SMURF2: variants seen among roughly 807,000 people sequenced by gnomAD.
SMURF2 encodes the protein SMAD specific E3 ubiquitin protein ligase 2.
Under a neutral mutation model 109.6 loss-of-function variants are expected in SMURF2, and 48 were observed. The ratio of observed to expected loss-of-function variants is 0.44; its 90% confidence interval spans 0.35 to 0.56. The LOEUF (loss-of-function observed/expected upper bound fraction) is 0.56. Ranked by LOEUF, SMURF2 falls within the 20% of genes least tolerant of loss-of-function variation. The probability of loss-of-function intolerance (pLI) is 0.01; values close to 1 mark genes in which losing one functional copy is unlikely to be tolerated. For missense variants in SMURF2, 575 were observed against 909.0 expected, an observed-to-expected ratio of 0.63 and a Z score of 4.72; for synonymous variants, 288 against 317.1, an observed-to-expected ratio of 0.91 and a Z score of 0.97.
chr17:64,606,519 A>G, intron 2 of SMURF2, 83 bp downstream of exon 2: 2 of 974,720 alleles, frequency 2.1e-6, no homozygotes, highest in Non-Finnish European at 3.1e-6. Context: ...CTGAATAGAG[A>G]AACCCCTAAA....
chr17:64,588,552 T>C (rs1313091086), intron 5 of SMURF2, among the ~76,000 whole-genome samples: 1 of 152,100 alleles, frequency 6.6e-6, no homozygotes, highest in Non-Finnish European at 1.5e-5. Flanking sequence ...TAAAGACATA[T>C]ACATTTTATA....
intron 6 of SMURF2, among the ~76,000 whole-genome samples, chr17:64,584,367 T>C (rs1969621298): frequency 6.9e-6 from 1 of 145,634 alleles, no homozygotes; most frequent in South Asian, 2.2e-4. Flanking sequence ...TTTTCTTTTT[T>C]TTTTTTTTTT....
chr17:64,656,436 C>G (rs1970706457), intron 1 of SMURF2, among the ~76,000 whole-genome samples: 1 of 152,066 alleles, frequency 6.6e-6, no homozygotes, highest in African/African-American at 2.4e-5. Context: ...TTCTGCTTCA[C>G]GAATGTTTAA....
At chr17:64,617,352 C>T (rs1484799531) in intron 1 of SMURF2, among the ~76,000 whole-genome samples, 2 of 152,030 alleles carry the variant, frequency 1.3e-5, no homozygotes, top group African/African-American at 4.8e-5. Context: ...TATTCAGTAC[C>T]TGGCAAGTAG....
At chr17:64,594,317 C>CAATAAATT (rs1969788401) in intron 3 of SMURF2, among the ~76,000 whole-genome samples, 1 of 152,132 alleles carries the variant, frequency 6.6e-6, no homozygotes, top group Non-Finnish European at 1.5e-5. Flanking sequence ...AAGTATCATT[C>CAATAAATT]AATAAATTAC....
intron 3 of SMURF2, among the ~76,000 whole-genome samples, chr17:64,595,692 C>A (rs1376970333): frequency 6.6e-6 from 1 of 152,136 alleles, no homozygotes; most frequent in African/African-American, 2.4e-5. Context: ...TGGAAACAAT[C>A]ATAAGAGATG....
chr17:64,640,905 G>C (rs1295337114), intron 1 of SMURF2, among the ~76,000 whole-genome samples: 1 of 144,412 alleles, frequency 6.9e-6, no homozygotes, highest in Non-Finnish European at 1.5e-5. Flanking sequence ...GCAACAGAGT[G>C]AGACTCCATC....
Position 64,580,898 on chromosome 17 carries a change from T to G in SMURF2, c.663A>C (p.Gly221=), listed in dbSNP as rs782811555. 6.2e-7 allele frequency: 1 copy of G among 1,614,158 alleles called. No homozygotes were observed. The highest frequency in any genetic ancestry group is 8.5e-7 in the Non-Finnish European group (1 of 1,180,014). ...CTGCCAGCCTGGGATCTGAAGACTG[T>G]CCACATGTTGCACCATTTGTTCCAC... is the stretch of plus-strand genomic sequence containing the variant. ...PISGTNGATC[G]QSSDPRLAER... Residue 221 remains glycine, a synonymous_variant, in exon 8 of 19, where the codon GGA becomes GGC. Transcript: ENST00000262435.
chr17:64,551,699 T>A lies in SMURF2; in HGVS notation c.1754A>T (p.Tyr585Phe). Reference protein sequence around the residue: ...EENKKEYVRLYVNWRFLRGIE... With the variant: ...EENKKEYVRLFVNWRFLRGIE... ...GCCTCGTAAAAATCTCCAGTTCACA[T>A]AGAGCCTGTAAACATTCGGCAGGAT... The change falls in exon 16 of 19, where the codon TAT (tyrosine) becomes TTT (phenylalanine). Residue 585 changes from tyrosine (Y) to phenylalanine (F), a missense_variant. Tyr to Phe is a conservative substitution (Grantham distance 22). Coordinates refer to ENST00000262435, the MANE Select transcript of SMURF2 (RefSeq NM_022739.4). The A allele has an allele frequency of 1.2e-6, 2 of 1,613,936 alleles. No individual in the cohort carries two copies. The highest frequency in any genetic ancestry group is 1.7e-6 in the Non-Finnish European group (2 of 1,179,914).
chr17:64,557,780 A>G lies in SMURF2; in HGVS notation c.1317-58T>C, dbSNP rs368718750. 5.9e-5 allele frequency: 53 copies of G among 900,844 alleles called. 1 individual carries two copies. In the African/African-American group the frequency reaches 6.7e-4, roughly 11 times the overall value. 55.8% of individuals were successfully genotyped at this position (900,844 alleles called of 1,614,324 possible). Reference sequence around the variant, plus strand: ...TGTTAATGTATACATTTTTATTAAGATATGTCATTAACTAATCATTTTAGC... The same window carrying G: ...TGTTAATGTATACATTTTTATTAAGGTATGTCATTAACTAATCATTTTAGC... On this transcript the variant is annotated intron_variant, in intron 12 of 18. Coordinates refer to ENST00000262435, the MANE Select transcript of SMURF2 (RefSeq NM_022739.4).
intron 1 of SMURF2, among the ~76,000 whole-genome samples, chr17:64,631,663 A>C (rs181150309): frequency 6.6e-6 from 1 of 152,264 alleles, no homozygotes; most frequent in Admixed American, 6.5e-5. Flanking sequence ...CTCCCAAAAA[A>C]CAAAACACCA....
intron 1 of SMURF2, among the ~76,000 whole-genome samples, chr17:64,655,718 C>T (rs1278715887): frequency 6.6e-6 from 1 of 151,974 alleles, no homozygotes; most frequent in Non-Finnish European, 1.5e-5. Flanking sequence ...GTAAACCCAT[C>T]TCCACCCAAA....
rs1968922884 is a variant in SMURF2, at chr17:64,544,819, G to A, written c.*1029C>T. The A allele has an allele frequency of 6.6e-6, 1 of 152,568 alleles. No individual in the cohort carries two copies. Among genetic ancestry groups the A allele is most frequent in the Admixed American group, 6.5e-5 (1 of 15,278 alleles). The allele number at this position is 152,568 out of a possible 1,614,324, so 9.5% of individuals were successfully genotyped here. ...CTGTAGCTGATTAAAATTATGAGCA[G>A]TTAACGCTTTAGGATGGTTTTGTTA... On this transcript the variant is annotated 3_prime_UTR_variant, in exon 19 of 19. Transcript: ENST00000262435.
chr17:64,577,222 C>T (rs1214739143), intron 9 of SMURF2, among the ~76,000 whole-genome samples: 2 of 151,864 alleles, frequency 1.3e-5, no homozygotes, highest in Non-Finnish European at 2.9e-5. Flanking sequence ...TACTATGCAG[C>T]CATAAAAAAG....
chr17:64,594,998 GA>G (rs1166369564), intron 3 of SMURF2, among the ~76,000 whole-genome samples: 10 of 147,536 alleles, frequency 6.8e-5, no homozygotes, highest in South Asian at 2.1e-4. Flanking sequence ...CTCAAAAAAA[GA>G]AAAAAAAAAG....
intron 1 of SMURF2, among the ~76,000 whole-genome samples, chr17:64,613,713 T>TGTGTGA (rs1970079413): frequency 3.1e-5 from 4 of 130,066 alleles, no homozygotes; most frequent in Admixed American, 7.7e-5. Flanking sequence ...TGTGTGTGTG[T>TGTGTGA]GTGTGTGTGT....
intron 1 of SMURF2, among the ~76,000 whole-genome samples, chr17:64,619,839 T>C (rs1006503618): frequency 3.3e-5 from 5 of 152,190 alleles, no homozygotes; most frequent in Admixed American, 6.5e-5. Context: ...GGCTTCAACA[T>C]AGGAATATTG....
At chr17:64,588,045 G>GA (rs74410480) in intron 5 of SMURF2, among the ~76,000 whole-genome samples, 2,091 of 46,406 alleles carry the variant, frequency 0.045, 63 homozygotes, top group African/African-American at 0.14. Context: ...TGCAAAGTAG[G>GA]AAAAAAAAAA....
intron 1 of SMURF2, among the ~76,000 whole-genome samples, chr17:64,650,399 T>C (rs1428889479): frequency 6.6e-6 from 1 of 152,072 alleles, no homozygotes; most frequent in Non-Finnish European, 1.5e-5. Context: ...ATTTTAAGCA[T>C]GCATTTATAA....
Sources: gnomAD v4.1 joint callset for allele counts (sites outside exome capture counted in the v4.1 genomes callset) on GRCh38, gnomAD v4.1.1 for gene constraint, MANE v1.5 for transcripts, NCBI Gene and HGNC (gene_info 2026-07-23, HGNC 2026-07-21) for gene names.